Variants in PTGR1 observed in about 807,000 individuals in gnomAD.
The protein encoded by PTGR1 is 15-oxoprostaglandin 13-reductase.
PTGR1 carries 23 observed loss-of-function variants against 37.7 expected under a neutral mutation model. The ratio of observed to expected loss-of-function variants is 0.61; its 90% CI spans 0.44 to 0.86. The LOEUF is 0.86. Ranked by LOEUF, PTGR1 falls within the 40% of genes least tolerant of loss-of-function variation. PTGR1 has a pLI of 0.00. For synonymous variants in PTGR1, 134 were observed against 140.0 expected (o/e 0.96, Z 0.30); for missense variants, 351 against 394.3 (o/e 0.89, Z 0.93).
chr9:111,579,812 G>A (rs573481964), intron 6 of PTGR1, among the ~76,000 whole-genome samples: 1 of 152,186 alleles, frequency 6.6e-6, no homozygotes, highest in Admixed American at 6.5e-5. Flanking sequence ...CCTAATCACA[G>A]AGGAGCTAGG....
chr9:111,577,298 A>C (rs1421991311), intron 7 of PTGR1: 2 of 152,230 alleles, frequency 1.3e-5, no homozygotes, highest in East Asian at 3.9e-4. Context: ...ATAATAAAAA[A>C]GACAGACAAT....
At chr9:111,564,355 G>C in intron 9 of PTGR1, 1 of 453,600 alleles carries the variant, frequency 2.2e-6, no homozygotes, top group Non-Finnish European at 3.1e-6. Context: ...ACCTAGGTTT[G>C]AGTGCAGTGG....
chr9:111,556,261 T>G (rs1238271911), intron 9 of PTGR1, among the ~76,000 whole-genome samples: 1 of 152,266 alleles, frequency 6.6e-6, no homozygotes, highest in African/African-American at 2.4e-5. Context: ...CTTGGGCACC[T>G]CTGCCCCTGT....
chr9:111,584,998 G>A (rs1188662718), intron 5 of PTGR1, among the ~76,000 whole-genome samples: 1 of 151,982 alleles, frequency 6.6e-6, no homozygotes, highest in East Asian at 1.9e-4. Flanking sequence ...ACCCATTATA[G>A]TGATTGTTAA....
chr9:111,552,874 C>T (rs904077718), intron 9 of PTGR1, among the ~76,000 whole-genome samples: 6 of 151,996 alleles, frequency 3.9e-5, no homozygotes, highest in East Asian at 1.9e-4. Context: ...GTTTCATTGA[C>T]GTTTTCAGTT....
intron 4 of PTGR1, among the ~76,000 whole-genome samples, chr9:111,590,141 AATG>A (rs1333583318): frequency 2.0e-5 from 3 of 152,222 alleles, no homozygotes; most frequent in African/African-American, 7.2e-5. Flanking sequence ...CAATATAACG[AATG>A]ATAAGACCTA....
intron 4 of PTGR1, among the ~76,000 whole-genome samples, chr9:111,587,283 T>C (rs995721154): frequency 1.5e-4 from 23 of 152,174 alleles, no homozygotes; most frequent in Non-Finnish European, 3.2e-4. Flanking sequence ...TTTACCATCT[T>C]TCCTTCCCAG....
chr9:111,596,442 C>T (rs1037093890), intron 2 of PTGR1, among the ~76,000 whole-genome samples: 4 of 151,924 alleles, frequency 2.6e-5, no homozygotes, highest in African/African-American at 9.7e-5. Flanking sequence ...TGGGAAACCC[C>T]GTCTCTACTA....
intron 9 of PTGR1, among the ~76,000 whole-genome samples, chr9:111,550,786 ATTCT>A (rs1827918225): frequency 6.6e-6 from 1 of 151,888 alleles, no homozygotes; most frequent in South Asian, 2.1e-4. Flanking sequence ...GCATTATCTG[ATTCT>A]TTCTTCCTTT....
At position 111,575,095 on chromosome 9, in the gene PTGR1, G is replaced by A. The variant is rs541357121; in HGVS notation, c.652-253C>T. On this transcript the variant is annotated intron_variant, in intron 7 of 9. Transcript: ENST00000407693. ...GTGGGTGGATCACCTGAGGTCAGGC[G>A]TTCCAGACCAGCCTGGCCAACATGG... Among the ~76,000 whole-genome samples, 204 of 152,266 alleles carry A rather than the reference G, an allele frequency of 1.3e-3. 1 individual carries two copies. The highest frequency in any genetic ancestry group is 4.5e-3 in the African/African-American group (187 of 41,556).
chr9:111,595,947 A>G (rs1426348310), intron 2 of PTGR1, among the ~76,000 whole-genome samples: 1 of 152,110 alleles, frequency 6.6e-6, no homozygotes, highest in Non-Finnish European at 1.5e-5. Context: ...CTCATCTTAT[A>G]GTCTGAACTC....
downstream of PTGR1, among the ~76,000 whole-genome samples, chr9:111,557,906 T>C (rs1828170061): frequency 6.6e-6 from 1 of 152,108 alleles, no homozygotes; most frequent in Non-Finnish European, 1.5e-5. Context: ...CCCAGCGCTT[T>C]GGGAGGCCAA....
chr9:111,578,742 G>A, intron 7 of PTGR1, 54 bp downstream of exon 7: 1 of 1,498,910 alleles, frequency 6.7e-7, no homozygotes, highest in Non-Finnish European at 9.0e-7. Context: ...GGAGACTCCT[G>A]CTTTATATAG....
At chr9:111,580,785 T>A (rs1829259352) in intron 6 of PTGR1, among the ~76,000 whole-genome samples, 2 of 151,804 alleles carry the variant, frequency 1.3e-5, no homozygotes. Context: ...GACTCTGACT[T>A]CCAATCTTTG....
At position 111,553,071 on chromosome 9, in the gene PTGR1, G is replaced by A. The variant is rs562499516; in HGVS notation, c.880-3272C>T. 1.2e-4 allele frequency among the ~76,000 whole-genome samples: 19 copies of A among 152,230 alleles called. No individual in the cohort carries two copies. The East Asian group carries it at 3.1e-3, about 25-fold the overall frequency. The stretch of plus-strand genomic sequence containing the variant: ...AATTGTTTTGTTAGAAATTTCACTC[G>A]CAGTTCATATGAGTAATTTTGTGTA... On this transcript the variant is annotated intron_variant, in intron 9 of 9. Transcript: ENST00000538962.
intron 7 of PTGR1, chr9:111,577,337 T>C (rs1829103141): frequency 6.6e-6 from 1 of 152,138 alleles, no homozygotes. Flanking sequence ...TGTAGAGAAG[T>C]TGGAACCCTC....
chr9:111,573,320 T>A (rs1397656995), intron 8 of PTGR1, among the ~76,000 whole-genome samples: 1 of 152,126 alleles, frequency 6.6e-6, no homozygotes, highest in Non-Finnish European at 1.5e-5. Context: ...GCCAAGTAAA[T>A]CTGGAGTTTC....
rs879024239 is a variant in PTGR1 at position 111,576,252 on chromosome 9, G to C, written c.652-1410C>G. Reference sequence around the variant, plus strand: ...GGAAAAAATATTTGCAAGCCATATAGAGTTGGTCCTCATTATTAGTGGATT... The same window carrying C: ...GGAAAAAATATTTGCAAGCCATATACAGTTGGTCCTCATTATTAGTGGATT... On this transcript the variant is annotated intron_variant, in intron 7 of 9. Transcript: ENST00000407693. The C allele has an allele frequency of 5.9e-6, 6 of 1,016,566 alleles. No homozygotes were observed. In the South Asian group the frequency reaches 7.0e-5, roughly 12 times the overall value. The allele number at this position is 1,016,566 out of a possible 1,614,324, so 63.0% of individuals were successfully genotyped here. A position where few individuals can be genotyped will look rare whatever the true frequency, so the allele number is the denominator to read the frequency against.
intron 9 of PTGR1, among the ~76,000 whole-genome samples, chr9:111,567,704 C>G (rs758330020): frequency 6.6e-6 from 1 of 152,110 alleles, no homozygotes; most frequent in Non-Finnish European, 1.5e-5. Context: ...ATCATAAGAA[C>G]GGCAGGATTT....
Sources: allele counts gnomAD v4.1 joint callset (sites outside exome capture counted in the v4.1 genomes callset), GRCh38; gene constraint gnomAD v4.1.1; transcripts MANE v1.5; gene names NCBI Gene and HGNC (gene_info 2026-07-23, HGNC 2026-07-21).